CPAMD8: variants seen among roughly 807,000 people sequenced by gnomAD.
CPAMD8 encodes the protein C3 and PZP like alpha-2-macroglobulin domain containing 8.
Under a neutral mutation model 224.7 loss-of-function variants are expected in CPAMD8, and 146 were observed. That is an observed-to-expected ratio of 0.65 (90% CI 0.57 to 0.75). CPAMD8 has a LOEUF of 0.75. Among genes scored for constraint, CPAMD8 ranks in the 30% least tolerant of loss-of-function variants. CPAMD8 has a pLI of 0.00. For synonymous variants in CPAMD8, 966 were observed against 1,044.6 expected (o/e 0.92, Z 1.45); for missense variants, 2,301 against 2,537.5 (o/e 0.91, Z 2.00).
In CPAMD8 at chr19:17,008,544, G is replaced by A. The variant is rs201333165; in HGVS notation, c.520C>T (p.Arg174Trp). Residue 174 changes from arginine (R) to tryptophan (W), a missense_variant, in exon 7 of 42, where the codon CGG (arginine) becomes TGG (tryptophan). By Grantham distance (101) the Arg-to-Trp change is moderately radical. Coordinates refer to ENST00000443236, the MANE Select transcript of CPAMD8 (RefSeq NM_015692.5). The stretch of plus-strand genomic sequence containing the variant: ...TTTAAGTGTCTCCACTCTATCATCC[G>A]AGAGCCTCGGGGGTCCTGTTGGTGG... Reference protein sequence around the residue: ...EAYILDPRGSRMIEWRHLKPF... With the variant: ...EAYILDPRGSWMIEWRHLKPF... 1.1e-5 allele frequency: 17 copies of A among 1,613,814 alleles called. No homozygotes were observed. Among genetic ancestry groups the A allele is most frequent in the East Asian group, 8.9e-5 (4 of 44,892 alleles).
intron 35 of CPAMD8, among the ~76,000 whole-genome samples, chr19:16,902,352 T>C (rs868266679): frequency 9.2e-5 from 14 of 151,978 alleles, no homozygotes; most frequent in Middle Eastern, 6.8e-3. Flanking sequence ...CTGTATCTAC[T>C]AAAAAGACAA....
intron 41 of CPAMD8, chr19:16,894,063 C>T (rs1231356734): frequency 1.1e-5 from 2 of 175,482 alleles, no homozygotes; most frequent in South Asian, 1.3e-4. Context: ...TTTCTTCTCC[C>T]GGGAACAGAA....
Position 16,898,125 on chromosome 19 carries a change from CT to C in CPAMD8, c.4849-132del. 1.7e-6 allele frequency: 1 copy of C among 596,322 alleles called. No homozygotes were observed. 36.9% of individuals were successfully genotyped at this position (596,322 alleles called of 1,614,324 possible). On this transcript the variant is annotated intron_variant, in intron 37 of 41. Coordinates refer to ENST00000443236, the MANE Select transcript of CPAMD8 (RefSeq NM_015692.5). The surrounding 1 kb of genome is among the most constrained non-coding windows in gnomAD (Gnocchi z 4.2). The stretch of plus-strand genomic sequence containing the variant: ...CACAGAAGAAACGTGATCCCATTTT[CT>C]TTTTTTCTTTTACTTTTCTTTTTTT...
intron 16 of CPAMD8, 78 bp downstream of exon 16, chr19:16,975,924 T>G: frequency 7.4e-5 from 100 of 1,346,236 alleles, no homozygotes; most frequent in Non-Finnish European, 9.0e-5. Flanking sequence ...TTTATTGGAA[T>G]GAGAGATGGG....
At chr19:16,946,356 T>TG (rs976498055) in intron 21 of CPAMD8, among the ~76,000 whole-genome samples, 11 of 148,274 alleles carry the variant, frequency 7.4e-5, no homozygotes, top group African/African-American at 2.3e-4. Context: ...TGTCTACACG[T>TG]GGGGGTGTGT....
chr19:17,022,862 A>G (rs1166442857), intron 1 of CPAMD8, among the ~76,000 whole-genome samples: 2 of 151,980 alleles, frequency 1.3e-5, no homozygotes, highest in Non-Finnish European at 2.9e-5. Context: ...TCCACAAGCC[A>G]GGTAACCGGC....
At position 16,943,009 on chromosome 19, in the gene CPAMD8, TTC is replaced by T. The variant is rs1385467261; in HGVS notation, c.2793+2538_2793+2539del. Among the ~76,000 whole-genome samples the T allele has an allele frequency of 3.2e-3, 274 of 86,582 alleles. 2 individuals carry two copies. The highest frequency in any genetic ancestry group is 5.6e-3 in the African/African-American group (99 of 17,800). 56.8% of individuals were successfully genotyped at this position (86,582 alleles called of 152,430 possible). Reference sequence around the variant, plus strand: ...GTTTGACTTTTTTCTTTTTTCTTTTTTCTTTTTTTTTTTTTTGAGACAGGGTC... The same window carrying T: ...GTTTGACTTTTTTCTTTTTTCTTTTTTTTTTTTTTTTTTTGAGACAGGGTC... On this transcript the variant is annotated intron_variant, in intron 22 of 41. Transcript: ENST00000443236.
chr19:17,015,793 AC>A (rs2056795725), intron 3 of CPAMD8, among the ~76,000 whole-genome samples: 1 of 152,118 alleles, frequency 6.6e-6, no homozygotes, highest in Non-Finnish European at 1.5e-5. Flanking sequence ...GGTGCTGAGG[AC>A]CGTATGCTGG....
At chr19:17,015,562 C>T (rs2056789064) in intron 3 of CPAMD8, among the ~76,000 whole-genome samples, 1 of 152,184 alleles carries the variant, frequency 6.6e-6, no homozygotes, top group Admixed American at 6.5e-5. Context: ...TCCTACCTGC[C>T]ACCCGCAGGA....
chr19:17,014,006 C>CCCTT, intron 3 of CPAMD8, among the ~76,000 whole-genome samples: 1 of 105,880 alleles, frequency 9.4e-6, no homozygotes, highest in East Asian at 2.9e-4. Context: ...TTCCTTCCCT[C>CCCTT]CCTCCCTCCC....
intron 21 of CPAMD8, 62 bp downstream of exon 21, chr19:16,947,012 A>C (rs2054124056): frequency 1.3e-6 from 2 of 1,511,706 alleles, no homozygotes; most frequent in Admixed American, 4.1e-5. Context: ...AACTCGGGTC[A>C]ATGCCAGGAC....
chr19:17,014,990 C>T (rs781334171), intron 3 of CPAMD8, among the ~76,000 whole-genome samples: 4 of 152,234 alleles, frequency 2.6e-5, no homozygotes, highest in Non-Finnish European at 5.9e-5. Context: ...GCCTGTCATC[C>T]CAGCACTTTG....
In CPAMD8 at chr19:16,893,712, G is replaced by A. The variant is rs529364347; in HGVS notation, c.5427-373C>T. Reference sequence around the variant, plus strand: ...GGGAGTGGGCTGGTCCTCTGGGCACGAGGACATCAGGAACTCACGGTGAGG... The same window carrying A: ...GGGAGTGGGCTGGTCCTCTGGGCACAAGGACATCAGGAACTCACGGTGAGG... On this transcript the variant is annotated intron_variant, in intron 41 of 41. Coordinates refer to ENST00000443236, the MANE Select transcript of CPAMD8 (RefSeq NM_015692.5). 30 of 204,230 alleles carry A rather than the reference G, an allele frequency of 1.5e-4. No homozygotes were observed. The South Asian group carries it at 4.2e-3, about 29-fold the overall frequency. The allele number at this position is 204,230 out of a possible 1,614,324, so 12.7% of individuals were successfully genotyped here.
chr19:16,974,548 G>A (rs1392193067), intron 17 of CPAMD8, among the ~76,000 whole-genome samples: 3 of 151,898 alleles, frequency 2.0e-5, no homozygotes, highest in Non-Finnish European at 4.4e-5. Flanking sequence ...GTCATAACAC[G>A]TCCCATCACA....
At chr19:17,013,939 CCT>C (rs1009422801) in intron 3 of CPAMD8, among the ~76,000 whole-genome samples, 3 of 150,670 alleles carry the variant, frequency 2.0e-5, no homozygotes, top group Non-Finnish European at 4.4e-5. Flanking sequence ...TCTCTCCCTC[CCT>C]CTCTCCCTCC....
At chr19:16,998,909 C>A (rs1020132104) in intron 10 of CPAMD8, among the ~76,000 whole-genome samples, 9 of 152,028 alleles carry the variant, frequency 5.9e-5, no homozygotes, top group African/African-American at 1.9e-4. Context: ...ACATAATAGC[C>A]AAAAAGCAGA....
Position 16,977,514 on chromosome 19 carries a change from C to T in CPAMD8, c.1612G>A (p.Val538Ile), listed in dbSNP as rs1376155105. 2 of 1,600,606 alleles carry T rather than the reference C, an allele frequency of 1.2e-6. No individual in the cohort carries two copies. The highest frequency in any genetic ancestry group is 1.7e-6 in the Non-Finnish European group (2 of 1,175,600). Residue 538 changes from valine (V) to isoleucine (I), a missense_variant, in exon 15 of 42, where the codon GTC (valine) becomes ATC (isoleucine). Val to Ile is a conservative substitution (Grantham distance 29). Transcript: ENST00000443236. The part of the protein sequence containing the change: ...TEPPPAPEAE[V>I]DVCVTSLHLA... ...TGAAGAGAGGTCACACACACGTCGA[C>T]CTCAGCTTCTGGGGCTGGTGGGGGC...
chr19:17,001,372 C>A (rs1331863322), intron 9 of CPAMD8, among the ~76,000 whole-genome samples: 1 of 123,238 alleles, frequency 8.1e-6, no homozygotes, highest in Non-Finnish European at 1.7e-5. Context: ...CGGGTCAGCA[C>A]ACTGGCGGGG....
intron 18 of CPAMD8, among the ~76,000 whole-genome samples, chr19:16,969,826 C>G (rs577586816): frequency 6.9e-6 from 1 of 144,208 alleles, no homozygotes; most frequent in African/African-American, 2.6e-5. Context: ...GTGAGCCAAG[C>G]TCGTACCACT....
Sources: allele counts gnomAD v4.1 joint callset (sites outside exome capture counted in the v4.1 genomes callset), GRCh38; gene constraint gnomAD v4.1.1; non-coding constraint Gnocchi (gnomAD v3.1); transcripts MANE v1.5; gene names NCBI Gene and HGNC (gene_info 2026-07-23, HGNC 2026-07-21).